SYTL5: variants seen among roughly 807,000 people sequenced by gnomAD.
SYTL5 encodes the protein synaptotagmin like 5.
SYTL5 carries 34 observed loss-of-function variants against 55.9 expected under a neutral mutation model. The observed-to-expected ratio is 0.61, with a 90% CI of 0.46 to 0.81. The LOEUF (loss-of-function observed/expected upper bound fraction) is 0.81, where lower values mean the gene tolerates loss of function less well. Ranked by LOEUF, SYTL5 falls within the 30% of genes least tolerant of loss-of-function variation. The pLI is 0.00. For synonymous variants in SYTL5, 221 were observed against 188.7 expected (o/e 1.17, Z -1.40); for missense variants, 637 against 546.7 (o/e 1.17, Z -1.65).
chrX:38,010,840 T>G lies in SYTL5; in HGVS notation c.-357+4172T>G, dbSNP rs1211299711. Among the ~76,000 whole-genome samples, 5 of 112,217 alleles carry G rather than the reference T, an allele frequency of 4.5e-5. No individual in the cohort carries two copies. In the Middle Eastern group the frequency reaches 0.014, roughly 307 times the overall value. ...CAGAAAGAAAAATAATAATAATACT[T>G]AGAATATTCTAAGGGTTGTTCTAAG... is the stretch of plus-strand genomic sequence containing the variant. On this transcript the variant is annotated intron_variant, in intron 1 of 16. Transcript: ENST00000297875.
At chrX:37,996,335 G>A in the SYTL5 span, among the ~76,000 whole-genome samples, 1 of 112,116 alleles carries the variant, frequency 8.9e-6, no homozygotes, top group Admixed American at 9.4e-5. Flanking sequence ...TTATTGGGAA[G>A]GCATGAGCCC....
At chrX:37,994,769 A>G in the SYTL5 span, 1 of 109,635 alleles carries the variant, frequency 9.1e-6, no homozygotes, top group African/African-American at 3.3e-5. Context: ...GGAGGAGAAG[A>G]AGGAGGAGGA....
intron 13 of SYTL5, among the ~76,000 whole-genome samples, chrX:38,116,127 C>T (rs1937484017): frequency 8.9e-6 from 1 of 111,870 alleles, no homozygotes; most frequent in Admixed American, 9.5e-5. Context: ...TGGTGTGAGA[C>T]AAGGGTCCAA....
At chrX:37,904,302 G>A in the SYTL5 span, among the ~76,000 whole-genome samples, 2 of 106,026 alleles carry the variant, frequency 1.9e-5, no homozygotes, top group East Asian at 5.9e-4. Context: ...GGTAGGGTTC[G>A]AGGAAAGGCA....
At chrX:38,120,869 A>C (rs928037142) in intron 14 of SYTL5, among the ~76,000 whole-genome samples, 2 of 111,490 alleles carry the variant, frequency 1.8e-5, no homozygotes, top group Non-Finnish European at 3.8e-5. Context: ...AAAGGAAAAA[A>C]TCAGATGGAA....
At chrX:37,963,396 C>T in the SYTL5 span, among the ~76,000 whole-genome samples, 8 of 106,392 alleles carry the variant, frequency 7.5e-5, no homozygotes, top group South Asian at 4.3e-4. Context: ...TCAAGTGATT[C>T]GCCTGCCTCA....
At chrX:37,973,013 A>G in the SYTL5 span, among the ~76,000 whole-genome samples, 111 of 112,007 alleles carry the variant, frequency 9.9e-4, no homozygotes, top group Middle Eastern at 9.3e-3. Context: ...CCTTGCTCTT[A>G]GTTGATTATC....
At chrX:37,931,819 T>C in the SYTL5 span, among the ~76,000 whole-genome samples, 1 of 111,727 alleles carries the variant, frequency 9.0e-6, no homozygotes, top group African/African-American at 3.3e-5. Context: ...ACAGGGCTAA[T>C]AGTTTGAGGA....
the SYTL5 span, among the ~76,000 whole-genome samples, chrX:37,948,612 C>T: frequency 7.3e-5 from 8 of 110,188 alleles, no homozygotes; most frequent in South Asian, 1.2e-3. Flanking sequence ...ACCACCTCCC[C>T]GCCTCAGCCT....
chrX:37,954,516 AACAAGAAGGGAACTTT>A, the SYTL5 span, among the ~76,000 whole-genome samples: 1 of 111,880 alleles, frequency 8.9e-6, no homozygotes, highest in Non-Finnish European at 1.9e-5. Flanking sequence ...AGTAAGCAAG[AACAAGAAGGGAACTTT>A]ACTTATTTCT....
chrX:38,122,246 A>T (rs958891043), intron 15 of SYTL5, 31 bp downstream of exon 15: 1 of 1,168,073 alleles, frequency 8.6e-7, no homozygotes, highest in African/African-American at 1.8e-5. Context: ...TTTGGATGAT[A>T]CTTAATAGGA....
the SYTL5 span, among the ~76,000 whole-genome samples, chrX:37,910,967 CT>C: frequency 1.1e-3 from 87 of 82,709 alleles, no homozygotes; most frequent in Admixed American, 2.9e-3. Context: ...GATAGCATTA[CT>C]TTTTTTTTTT....
At chrX:38,016,343 T>C (rs1229683426) in intron 1 of SYTL5, among the ~76,000 whole-genome samples, 1 of 111,619 alleles carries the variant, frequency 9.0e-6, no homozygotes, top group Non-Finnish European at 1.9e-5. Flanking sequence ...AAAGCCACCT[T>C]TAAGGAGCAG....
intron 10 of SYTL5, among the ~76,000 whole-genome samples, chrX:38,103,772 T>C (rs73467486): frequency 9.0e-6 from 1 of 110,881 alleles, no homozygotes; most frequent in African/African-American, 3.3e-5. Context: ...ACTTTCTCAG[T>C]TCAAAAAGCC....
At chrX:37,970,996 C>T in the SYTL5 span, among the ~76,000 whole-genome samples, 1 of 112,097 alleles carries the variant, frequency 8.9e-6, no homozygotes, top group African/African-American at 3.2e-5. Context: ...ATAATTTTAA[C>T]GCCACCTTAT....
the SYTL5 span, among the ~76,000 whole-genome samples, chrX:37,955,370 T>C: frequency 8.9e-6 from 1 of 111,996 alleles, no homozygotes; most frequent in Non-Finnish European, 1.9e-5. Context: ...AATATCTAAA[T>C]TATTTATGCT....
chrX:37,991,674 A>G, the SYTL5 span, among the ~76,000 whole-genome samples: 1 of 111,737 alleles, frequency 8.9e-6, no homozygotes, highest in African/African-American at 3.3e-5. Context: ...TCAGGATAGC[A>G]AAGGTCTGAA....
chrX:37,920,196 T>C, the SYTL5 span, among the ~76,000 whole-genome samples: 1 of 111,813 alleles, frequency 8.9e-6, no homozygotes, highest in Non-Finnish European at 1.9e-5. Context: ...TAATAGTCCA[T>C]TCAGCTCACA....
At chrX:38,126,455 T>C in intron 16 of SYTL5, 133 bp from the exon 17 acceptor site, 1 of 593,646 alleles carries the variant, frequency 1.7e-6, no homozygotes, top group Admixed American at 3.2e-5. Context: ...CACCACTCAC[T>C]ATATATACTA....
Sources: gnomAD v4.1 joint callset for allele counts (sites outside exome capture counted in the v4.1 genomes callset) on GRCh38, gnomAD v4.1.1 for gene constraint, MANE v1.5 for transcripts, NCBI Gene and HGNC (gene_info 2026-07-23, HGNC 2026-07-21) for gene names.